The following DCDC1 variants were observed in gnomAD, a reference collection of about 807,000 sequenced individuals.
DCDC1 encodes doublecortin domain containing 1.
Under a neutral mutation model 178.3 loss-of-function variants are expected in DCDC1, and 200 were observed. The observed-to-expected ratio is 1.12, with a 90% CI of 1.00 to 1.26. The LOEUF (loss-of-function observed/expected upper bound fraction) is 1.26. Ranked by LOEUF, DCDC1 falls within the 50% of genes most tolerant of loss-of-function variation. DCDC1 has a pLI of 0.00. For missense variants in DCDC1, 1,983 were observed against 1,749.2 expected (o/e 1.13, Z -2.38); for synonymous variants, 690 against 604.8 (o/e 1.14, Z -2.07).
chr11:30,893,566 C>G (rs1943964649), intron 35 of DCDC1, among the ~76,000 whole-genome samples: 1 of 152,182 alleles, frequency 6.6e-6, no homozygotes. Flanking sequence ...TCCTTCTTAG[C>G]TTGGCACGAA....
intron 20 of DCDC1, among the ~76,000 whole-genome samples, chr11:30,992,209 T>C (rs531912225): frequency 6.6e-6 from 1 of 152,340 alleles, no homozygotes; most frequent in Admixed American, 6.5e-5. Context: ...AATGCTGTAT[T>C]TTTCTCTTAA....
At chr11:31,358,384 T>C (rs1951511970) in intron 1 of DCDC1, among the ~76,000 whole-genome samples, 2 of 152,088 alleles carry the variant, frequency 1.3e-5, no homozygotes, top group South Asian at 4.2e-4. Flanking sequence ...TGGCTAGCCA[T>C]ATGTAGAAAG....
chr11:31,341,170 A>G (rs896823008), intron 1 of DCDC1, among the ~76,000 whole-genome samples: 4 of 152,174 alleles, frequency 2.6e-5, no homozygotes, highest in Non-Finnish European at 4.4e-5. Flanking sequence ...GATGGTTCAG[A>G]AGAAAGAACT....
intron 9 of DCDC1, chr11:31,155,833 TAG>T (rs1221539348): frequency 6.6e-6 from 1 of 152,184 alleles, no homozygotes; most frequent in Non-Finnish European, 1.5e-5. Flanking sequence ...GAGGAGACAT[TAG>T]AGTCACCTCG....
At chr11:31,075,869 G>C (rs957155754) in intron 18 of DCDC1, among the ~76,000 whole-genome samples, 1 of 151,622 alleles carries the variant, frequency 6.6e-6, no homozygotes, top group African/African-American at 2.4e-5. Context: ...TATTTTTTTT[G>C]AGACAGAGTT....
intron 9 of DCDC1, among the ~76,000 whole-genome samples, chr11:31,214,923 G>A (rs552015803): frequency 2.6e-5 from 4 of 150,944 alleles, no homozygotes; most frequent in Non-Finnish European, 5.9e-5. Flanking sequence ...AAATATAAAG[G>A]TGAAACTTAA....
chr11:31,133,999 G>A (rs993195466), intron 10 of DCDC1, among the ~76,000 whole-genome samples: 1 of 152,128 alleles, frequency 6.6e-6, no homozygotes, highest in African/African-American at 2.4e-5. Flanking sequence ...CACCACGCCT[G>A]GCCCAAATAC....
chr11:31,073,692 A>C (rs954137367), intron 18 of DCDC1, among the ~76,000 whole-genome samples: 1 of 152,222 alleles, frequency 6.6e-6, no homozygotes, highest in Non-Finnish European at 1.5e-5. Context: ...GAATAAAAGG[A>C]AAGTTGGAGT....
At chr11:31,024,757 A>G (rs1398138928) in intron 20 of DCDC1, among the ~76,000 whole-genome samples, 1 of 151,938 alleles carries the variant, frequency 6.6e-6, no homozygotes, top group Non-Finnish European at 1.5e-5. Context: ...ATGTCCTAAT[A>G]TTATCAATTA....
At chr11:31,034,038 G>A (rs1254651441) in intron 20 of DCDC1, among the ~76,000 whole-genome samples, 2 of 151,622 alleles carry the variant, frequency 1.3e-5, no homozygotes, top group Admixed American at 6.6e-5. Flanking sequence ...CAGCTACTCA[G>A]GAGGCTTAGG....
At chr11:31,003,990 G>A (rs1261279468) in intron 20 of DCDC1, among the ~76,000 whole-genome samples, 1 of 152,142 alleles carries the variant, frequency 6.6e-6, no homozygotes. Context: ...GCAAGTGGTG[G>A]CTGGTGATGC....
intron 20 of DCDC1, among the ~76,000 whole-genome samples, chr11:31,004,060 G>A (rs1292199338): frequency 2.0e-5 from 3 of 152,076 alleles, no homozygotes; most frequent in Non-Finnish European, 2.9e-5. Flanking sequence ...TTGAAATGCT[G>A]AGATGGGGTT....
At chr11:30,922,199 G>A (rs1946295308) in intron 24 of DCDC1, among the ~76,000 whole-genome samples, 1 of 152,162 alleles carries the variant, frequency 6.6e-6, no homozygotes. Flanking sequence ...CTCCCTAAAG[G>A]GACTAATTAA....
At chr11:31,191,092 G>A (rs1477164044) in intron 9 of DCDC1, among the ~76,000 whole-genome samples, 2 of 152,094 alleles carry the variant, frequency 1.3e-5, no homozygotes, top group Admixed American at 6.6e-5. Flanking sequence ...GTAAATAGTT[G>A]TTATGCATCA....
At chr11:30,974,104 T>C (rs1487296293) in intron 20 of DCDC1, among the ~76,000 whole-genome samples, 1 of 151,614 alleles carries the variant, frequency 6.6e-6, no homozygotes, top group Non-Finnish European at 1.5e-5. Flanking sequence ...AAACTACAAA[T>C]ACATAGAAAT....
At chr11:31,041,114 T>C (rs1198904819) in intron 20 of DCDC1, among the ~76,000 whole-genome samples, 2 of 152,224 alleles carry the variant, frequency 1.3e-5, no homozygotes, top group Non-Finnish European at 2.9e-5. Flanking sequence ...GAGTTTGTGG[T>C]GTCTGTGTTG....
intron 8 of DCDC1, among the ~76,000 whole-genome samples, chr11:31,246,037 C>T (rs1168970126): frequency 1.3e-5 from 2 of 151,896 alleles, no homozygotes; most frequent in African/African-American, 4.8e-5. Context: ...TGATCTATAC[C>T]GAGGGAATAT....
chr11:31,217,963 T>G (rs1054511299), intron 9 of DCDC1, among the ~76,000 whole-genome samples: 1 of 152,160 alleles, frequency 6.6e-6, no homozygotes, highest in African/African-American at 2.4e-5. Flanking sequence ...TATTGGCTAT[T>G]GTTTGAAAAT....
intron 20 of DCDC1, among the ~76,000 whole-genome samples, chr11:30,978,391 T>C (rs1328109973): frequency 6.6e-6 from 1 of 152,232 alleles, no homozygotes; most frequent in Non-Finnish European, 1.5e-5. Flanking sequence ...CCACAAAGTC[T>C]AGCACAATAT....
Sources: allele counts gnomAD v4.1 joint callset (sites outside exome capture counted in the v4.1 genomes callset), GRCh38; gene constraint gnomAD v4.1.1; transcripts MANE v1.5; gene names NCBI Gene and HGNC (gene_info 2026-07-23, HGNC 2026-07-21).